TENT4B: variants seen among roughly 807,000 people sequenced by gnomAD.
TENT4B encodes PAP associated domain containing 5.
A neutral mutation model predicts 75.0 loss-of-function variants in TENT4B; 10 were observed. That is an observed-to-expected ratio of 0.13 (90% CI 0.08 to 0.23). The LOEUF is 0.23. Ranked by LOEUF, TENT4B falls within the 10% of genes least tolerant of loss-of-function variation. The pLI is 1.00. For missense variants in TENT4B, 579 were observed against 893.8 expected (o/e 0.65, Z 4.49); for synonymous variants, 350 against 357.7 (o/e 0.98, Z 0.24).
chr16:50,181,021 T>C (rs1049749651), intron 1 of TENT4B, among the ~76,000 whole-genome samples: 5 of 152,274 alleles, frequency 3.3e-5, no homozygotes, highest in African/African-American at 1.2e-4. Flanking sequence ...AAAATAGTTA[T>C]GTGGGCCACA....
intron 1 of TENT4B, among the ~76,000 whole-genome samples, chr16:50,154,501 C>G (rs1253051610): frequency 6.6e-6 from 1 of 151,874 alleles, no homozygotes; most frequent in Non-Finnish European, 1.5e-5. Flanking sequence ...CACCTTCCTC[C>G]CCTCCCTCTT....
intron 1 of TENT4B, among the ~76,000 whole-genome samples, chr16:50,195,803 G>C (rs1189803555): frequency 6.6e-6 from 1 of 152,132 alleles, no homozygotes; most frequent in African/African-American, 2.4e-5. Context: ...TTACAATTTT[G>C]TGAGCTATAT....
At chr16:50,188,110 C>A (rs556280613) in intron 1 of TENT4B, among the ~76,000 whole-genome samples, 2 of 152,248 alleles carry the variant, frequency 1.3e-5, no homozygotes, top group East Asian at 3.9e-4. Context: ...AAGTTAAAGA[C>A]AGATAAAATG....
intron 1 of TENT4B, among the ~76,000 whole-genome samples, chr16:50,184,632 A>G (rs2038489341): frequency 6.6e-6 from 1 of 151,982 alleles, no homozygotes; most frequent in Admixed American, 6.6e-5. Context: ...GCGCCACTGC[A>G]CTCCAGCCTG....
chr16:50,188,208 TGTGGCAGATTTGGAGGCC>T (rs1213196966), intron 1 of TENT4B, among the ~76,000 whole-genome samples: 3 of 152,226 alleles, frequency 2.0e-5, no homozygotes, highest in African/African-American at 7.2e-5. Context: ...GTATTGTTGC[TGTGGCAGATTTGGAGGCC>T]GTGGCAGATT....
In TENT4B at chr16:50,230,831, C is replaced by T. The variant is rs1000924192; in HGVS notation, c.*1503C>T. 2 of 985,394 alleles carry T rather than the reference C, an allele frequency of 2.0e-6. No homozygotes were observed. Among genetic ancestry groups the T allele is most frequent in the African/African-American group, 3.5e-5 (2 of 57,168 alleles). 61.0% of individuals were successfully genotyped at this position (985,394 alleles called of 1,614,324 possible). ...AATGTAAGTGACATTTCTGAAAATG[C>T]TTTCTTTCAGGGTGAAAGCTCTTAT... On this transcript the variant is annotated 3_prime_UTR_variant, in exon 12 of 12. Coordinates refer to ENST00000561678, the MANE Select transcript of TENT4B (RefSeq NM_001365324.3).
intron 2 of TENT4B, among the ~76,000 whole-genome samples, chr16:50,212,947 T>C (rs562321195): frequency 8.5e-5 from 13 of 152,306 alleles, no homozygotes; most frequent in Non-Finnish European, 1.9e-4. Context: ...ATCTATCTCT[T>C]TCTCTCCAGC....
At chr16:50,211,215 GGTA>G in intron 1 of TENT4B, 105 bp from the exon 2 acceptor site, 1 of 1,142,920 alleles carries the variant, frequency 8.7e-7, no homozygotes, top group Non-Finnish European at 1.2e-6. Flanking sequence ...TTAAAATTAA[GGTA>G]GTCATCAGCT....
rs1006945337 is a variant in TENT4B, at chr16:50,232,360, G to A, written c.*3032G>A. The A allele has an allele frequency of 4.0e-5, 39 of 985,240 alleles. No individual in the cohort carries two copies. Among genetic ancestry groups the A allele is most frequent in the Non-Finnish European group, 4.7e-5 (39 of 829,926 alleles). 61.0% of individuals were successfully genotyped at this position (985,240 alleles called of 1,614,324 possible). A position where few individuals can be genotyped will look rare whatever the true frequency, so the allele number is the denominator to read the frequency against. Reference sequence around the variant, plus strand: ...GTTTTATTTTTATCCTGTTTTGAGTGTACTTTACCTTTACTTGCATTTTGA... The same window carrying A: ...GTTTTATTTTTATCCTGTTTTGAGTATACTTTACCTTTACTTGCATTTTGA... On this transcript the variant is annotated 3_prime_UTR_variant, in exon 12 of 12. Coordinates refer to ENST00000561678, the MANE Select transcript of TENT4B (RefSeq NM_001365324.3).
chr16:50,220,140 C>T (rs1945407687), intron 5 of TENT4B, among the ~76,000 whole-genome samples: 1 of 151,978 alleles, frequency 6.6e-6, no homozygotes, highest in South Asian at 2.1e-4. Context: ...AGGCGCACAC[C>T]ACCACGCTCA....
chr16:50,166,780 ATTT>A (rs57856238), intron 1 of TENT4B, among the ~76,000 whole-genome samples: 14 of 115,278 alleles, frequency 1.2e-4, no homozygotes, highest in Admixed American at 2.8e-4. Flanking sequence ...TGCCTGGCTA[ATTT>A]TTTTTTTTTT....
At chr16:50,220,410 G>A (rs980551711) in intron 5 of TENT4B, among the ~76,000 whole-genome samples, 1 of 151,512 alleles carries the variant, frequency 6.6e-6, no homozygotes, top group African/African-American at 2.4e-5. Context: ...AAACTCCTGG[G>A]CTCAAGCAGT....
Position 50,230,878 on chromosome 16 carries a change from C to T in TENT4B, c.*1550C>T, listed in dbSNP as rs1596765703. The T allele has an allele frequency of 1.0e-6, 1 of 985,480 alleles. No individual in the cohort carries two copies. The highest frequency in any genetic ancestry group is 1.2e-6 in the Non-Finnish European group (1 of 829,666). 61.0% of individuals were successfully genotyped at this position (985,480 alleles called of 1,614,324 possible). On this transcript the variant is annotated 3_prime_UTR_variant, in exon 12 of 12. Transcript: ENST00000561678. ...TTATGTTTAGCATCAATGTGTATGG[C>T]TCTGTTAAATGCAGCCATTTCTGAG...
chr16:50,220,941 C>T (rs749337643), intron 5 of TENT4B, among the ~76,000 whole-genome samples: 20 of 151,724 alleles, frequency 1.3e-4, no homozygotes, highest in Non-Finnish European at 2.9e-4. Context: ...AGAAGCCATG[C>T]GTGTTCATTG....
rs1421473421 is a variant in TENT4B, at chr16:50,226,074, A to G, written c.1800+789A>G. Among the ~76,000 whole-genome samples, 12 of 150,100 alleles carry G rather than the reference A, an allele frequency of 8.0e-5. No individual in the cohort carries two copies. In the Admixed American group the frequency reaches 8.0e-4, roughly 10 times the overall value. Reference sequence around the variant, plus strand: ...GAATGTAATGGCATGATCTTCACTCACCTCAACCTTCGCCTCCTGGGTTCA... The same window carrying G: ...GAATGTAATGGCATGATCTTCACTCGCCTCAACCTTCGCCTCCTGGGTTCA... On this transcript the variant is annotated intron_variant, in intron 10 of 11. Transcript: ENST00000561678.
intron 1 of TENT4B, among the ~76,000 whole-genome samples, chr16:50,207,064 C>T (rs1391682410): frequency 3.3e-5 from 5 of 149,336 alleles, no homozygotes; most frequent in Admixed American, 1.3e-4. Flanking sequence ...TTCTCTTGCT[C>T]TCTCTTTTTT....
intron 1 of TENT4B, among the ~76,000 whole-genome samples, chr16:50,189,321 G>A (rs1022344854): frequency 1.3e-5 from 2 of 152,164 alleles, no homozygotes; most frequent in Non-Finnish European, 1.5e-5. Context: ...CCTATTTAAA[G>A]TGTGAGACTG....
intron 1 of TENT4B, among the ~76,000 whole-genome samples, chr16:50,171,947 A>G (rs1329245910): frequency 6.6e-6 from 1 of 152,100 alleles, no homozygotes; most frequent in Admixed American, 6.5e-5. Context: ...CTAACGCAGC[A>G]GAGGTTGCAG....
At chr16:50,191,745 C>A (rs2038643731) in intron 1 of TENT4B, among the ~76,000 whole-genome samples, 1 of 151,950 alleles carries the variant, frequency 6.6e-6, no homozygotes, top group African/African-American at 2.4e-5. Context: ...CATGGAGAAA[C>A]CCTGTCTCTA....
Sources: allele counts gnomAD v4.1 joint callset (sites outside exome capture counted in the v4.1 genomes callset), GRCh38; gene constraint gnomAD v4.1.1; transcripts MANE v1.5; gene names NCBI Gene and HGNC (gene_info 2026-07-23, HGNC 2026-07-21).